Variants in FHAD1 observed in about 807,000 individuals in gnomAD.
The protein encoded by FHAD1 is forkhead associated phosphopeptide binding domain 1.
A neutral mutation model predicts 191.3 loss-of-function variants in FHAD1; 146 were observed. The ratio of observed to expected loss-of-function variants is 0.76; its 90% CI spans 0.67 to 0.88. The LOEUF (loss-of-function observed/expected upper bound fraction) is 0.88, where lower values mean the gene tolerates loss of function less well. FHAD1 is among the 40% of genes least tolerant of loss of function. FHAD1 has a pLI of 0.00. For missense variants in FHAD1, 1,635 were observed against 1,785.8 expected (o/e 0.92, Z 1.52); for synonymous variants, 616 against 672.3 (o/e 0.92, Z 1.29).
Position 15,397,291 on chromosome 1 carries a change from T to C in FHAD1, c.4324-6T>C, listed in dbSNP as rs1316408654. 3 of 1,446,118 alleles carry C rather than the reference T, an allele frequency of 2.1e-6. No homozygotes were observed. Among genetic ancestry groups the C allele is most frequent in the Admixed American group, 4.2e-5 (2 of 47,228 alleles). The allele number at this position is 1,446,118 out of a possible 1,614,324, so 89.6% of individuals were successfully genotyped here. On this transcript the variant is annotated splice_region_variant and splice_polypyrimidine_tract_variant and intron_variant, in intron 33 of 33. Coordinates refer to ENST00000688493, the MANE Select transcript of FHAD1 (RefSeq NM_001391957.1). ...GTTTGTGTGTTTTTTCTCTTGCTTGTTAAAGGTTGGAACCAGAAAAGCCTC... is the reference window on the plus strand; with the variant it reads ...GTTTGTGTGTTTTTTCTCTTGCTTGCTAAAGGTTGGAACCAGAAAAGCCTC...
At chr1:15,305,558 C>G (rs778670076) in intron 6 of FHAD1, among the ~76,000 whole-genome samples, 13 of 152,192 alleles carry the variant, frequency 8.5e-5, no homozygotes, top group Non-Finnish European at 1.8e-4. Context: ...TGTGGTTTGA[C>G]TGCATCCCCA....
intron 25 of FHAD1, among the ~76,000 whole-genome samples, chr1:15,368,515 T>C (rs867522362): frequency 3.9e-5 from 6 of 152,050 alleles, no homozygotes; most frequent in African/African-American, 1.2e-4. Context: ...TGAGTCCTGT[T>C]TTCACAAAAA....
At chr1:15,275,412 C>T (rs978449591) in intron 3 of FHAD1, among the ~76,000 whole-genome samples, 4 of 152,194 alleles carry the variant, frequency 2.6e-5, no homozygotes, top group Non-Finnish European at 4.4e-5. Context: ...TCACAGCAGC[C>T]CGAGCGTTTC....
chr1:15,346,132 C>T (rs924059880), intron 18 of FHAD1, among the ~76,000 whole-genome samples: 10 of 152,174 alleles, frequency 6.6e-5, no homozygotes, highest in African/African-American at 2.4e-4. Flanking sequence ...GTGTCTGCTC[C>T]TCCCCGGGCC....
intron 2 of FHAD1, among the ~76,000 whole-genome samples, chr1:15,271,303 ACT>A (rs1196058137): frequency 1.3e-5 from 2 of 152,050 alleles, no homozygotes; most frequent in East Asian, 1.9e-4. Context: ...ACGGAGCGAG[ACT>A]CTGTCTCAAA....
rs561441785 is a variant in FHAD1 at position 15,311,099 on chromosome 1, C to T, written c.1040-1958C>T. On this transcript the variant is annotated intron_variant, in intron 7 of 33. Coordinates refer to ENST00000688493, the MANE Select transcript of FHAD1 (RefSeq NM_001391957.1). This position sits in a 1 kb window ranked among gnomAD's most constrained non-coding sequence, Gnocchi z 4.1. ...ACAAGATGAAATCTACGATTGCCCC[C>T]GGCTGGCTTGCGCTGGAGAGAGTTT... is the stretch of plus-strand genomic sequence containing the variant. Among the ~76,000 whole-genome samples the T allele has an allele frequency of 7.2e-5, 11 of 152,320 alleles. No homozygotes were observed. Among genetic ancestry groups the T allele is most frequent in the South Asian group, 4.1e-4 (2 of 4,832 alleles).
At chr1:15,358,840 C>T (rs1056791902) in intron 21 of FHAD1, among the ~76,000 whole-genome samples, 1 of 152,116 alleles carries the variant, frequency 6.6e-6, no homozygotes, top group South Asian at 2.1e-4. Context: ...GGTGAATCTC[C>T]CAGAAGAGCA....
rs1330242688 is a variant in FHAD1, at chr1:15,308,516, A to T, written c.916-97A>T. 6 of 1,490,372 alleles carry T rather than the reference A, an allele frequency of 4.0e-6. No homozygotes were observed. In the African/African-American group the frequency reaches 8.4e-5, roughly 21 times the overall value. 92.3% of individuals were successfully genotyped at this position (1,490,372 alleles called of 1,614,324 possible). ...TGGTTTCCCCAACACCCCAGCCAAA[A>T]CTCAATCTGAATCTTTCTGTCAAGC... On this transcript the variant is annotated intron_variant, in intron 6 of 33. Transcript: ENST00000688493.
intron 26 of FHAD1, 68 bp downstream of exon 26, chr1:15,369,570 C>T (rs111734563): frequency 6.7e-7 from 1 of 1,491,022 alleles, no homozygotes; most frequent in East Asian, 2.5e-5. Context: ...GGCTGTCTTT[C>T]CTTTTGAAGA....
intron 19 of FHAD1, among the ~76,000 whole-genome samples, chr1:15,351,559 G>T (rs1690866939): frequency 6.6e-6 from 1 of 152,118 alleles, no homozygotes; most frequent in Non-Finnish European, 1.5e-5. Context: ...GTGAAACAGG[G>T]ATAATCAGAT....
chr1:15,271,530 A>G (rs74053840), intron 2 of FHAD1, among the ~76,000 whole-genome samples: 26,775 of 152,182 alleles, frequency 0.18, 2,409 homozygotes, highest in Middle Eastern at 0.2. Context: ...TTGGGGAAAC[A>G]TGGTCACACC....
intron 10 of FHAD1, among the ~76,000 whole-genome samples, chr1:15,319,121 C>T (rs541058077): frequency 1.3e-5 from 2 of 152,190 alleles, no homozygotes; most frequent in African/African-American, 4.8e-5. Context: ...TGAGACACCA[C>T]GCCCAACCAC....
chr1:15,327,025 A>T lies in FHAD1; in HGVS notation c.1474-34A>T. 2.1e-6 allele frequency: 3 copies of T among 1,400,208 alleles called. No individual in the cohort carries two copies. Among genetic ancestry groups the T allele is most frequent in the Non-Finnish European group, 3.0e-6 (3 of 1,015,666 alleles). The allele number at this position is 1,400,208 out of a possible 1,614,324, so 86.7% of individuals were successfully genotyped here. A position where few individuals can be genotyped will look rare whatever the true frequency, so the allele number is the denominator to read the frequency against. ...TGCCCCCACTTGCCGGCCCCTGCTG[A>T]CCCCCTGACACTGTTGCCCCCTCTC... On this transcript the variant is annotated intron_variant, in intron 11 of 33. Coordinates refer to ENST00000688493, the MANE Select transcript of FHAD1 (RefSeq NM_001391957.1). The surrounding 1 kb of genome is among the most constrained non-coding windows in gnomAD (Gnocchi z 5.1).
intron 10 of FHAD1, among the ~76,000 whole-genome samples, chr1:15,321,439 A>G (rs979747816): frequency 4.6e-5 from 7 of 152,240 alleles, no homozygotes; most frequent in Admixed American, 3.3e-4. Context: ...TTCAATATTC[A>G]TTAATAATTA....
upstream of FHAD1, among the ~76,000 whole-genome samples, chr1:15,246,574 C>T (rs1646067307): frequency 6.7e-6 from 1 of 149,510 alleles, no homozygotes; most frequent in South Asian, 2.1e-4. Context: ...AGGACAGTAA[C>T]TGTTCCAGGT....
chr1:15,249,265 C>T (rs1646476556), intron 1 of FHAD1, among the ~76,000 whole-genome samples: 1 of 149,270 alleles, frequency 6.7e-6, no homozygotes, highest in Non-Finnish European at 1.5e-5. Context: ...AAGGCACCAG[C>T]TGTGGAAACA....
At chr1:15,380,450 A>G (rs1031715555) in intron 28 of FHAD1, among the ~76,000 whole-genome samples, 1 of 152,238 alleles carries the variant, frequency 6.6e-6, no homozygotes, top group African/African-American at 2.4e-5. Flanking sequence ...GAGGGAAGAC[A>G]GGCGGTGATC....
At chr1:15,347,670 A>G (rs1423528256) in intron 18 of FHAD1, among the ~76,000 whole-genome samples, 1 of 152,148 alleles carries the variant, frequency 6.6e-6, no homozygotes, top group Non-Finnish European at 1.5e-5. Context: ...GCTGCTCTTG[A>G]ACTCCTGGCC....
intron 7 of FHAD1, among the ~76,000 whole-genome samples, chr1:15,310,771 C>T (rs996096658): frequency 6.6e-6 from 1 of 152,178 alleles, no homozygotes; most frequent in East Asian, 1.9e-4. Context: ...GTCTCAGTGG[C>T]TCACAATAGA....
Sources: allele counts gnomAD v4.1 joint callset (sites outside exome capture counted in the v4.1 genomes callset), GRCh38; gene constraint gnomAD v4.1.1; non-coding constraint Gnocchi (gnomAD v3.1); transcripts MANE v1.5; gene names NCBI Gene and HGNC (gene_info 2026-07-23, HGNC 2026-07-21).